The following SORCS1 variants were observed in gnomAD, a reference collection of about 807,000 sequenced individuals.
SORCS1 encodes the protein sortilin related VPS10 domain containing receptor 1.
Under a neutral mutation model 146.1 loss-of-function variants are expected in SORCS1, and 60 were observed. The observed-to-expected ratio is 0.41, with a 90% CI of 0.33 to 0.51. The LOEUF is 0.51. Ranked by LOEUF, SORCS1 falls within the 20% of genes least tolerant of loss-of-function variation. SORCS1 has a pLI of 0.21. For synonymous variants in SORCS1, 637 were observed against 584.0 expected, an observed-to-expected ratio of 1.09 and a Z score of -1.31; for missense variants, 1,352 against 1,487.6, an observed-to-expected ratio of 0.91 and a Z score of 1.50.
intron 2 of SORCS1, among the ~76,000 whole-genome samples, chr10:106,918,675 C>A (rs969127235): frequency 6.6e-6 from 1 of 151,948 alleles, no homozygotes; most frequent in Admixed American, 6.6e-5. Context: ...AAAAAACAAG[C>A]AATTATCTCC....
chr10:107,042,771 GACTAATTTTTGTAT>G (rs1245211698), intron 1 of SORCS1, among the ~76,000 whole-genome samples: 2 of 151,988 alleles, frequency 1.3e-5, no homozygotes, highest in African/African-American at 4.8e-5. Flanking sequence ...CACCACACCT[GACTAATTTTTGTAT>G]TTTTAGTAGA....
At chr10:106,815,608 T>C (rs1457166007) in intron 3 of SORCS1, among the ~76,000 whole-genome samples, 1 of 152,186 alleles carries the variant, frequency 6.6e-6, no homozygotes, top group African/African-American at 2.4e-5. Context: ...GGGAGCCAGA[T>C]GGCCTCCTAC....
In SORCS1 at chr10:106,749,859, C is replaced by A. The variant is rs145090741; in HGVS notation, c.959+11729G>T. On this transcript the variant is annotated intron_variant, in intron 5 of 25. Coordinates refer to ENST00000263054, the MANE Select transcript of SORCS1 (RefSeq NM_052918.5). Reference sequence around the variant, plus strand: ...ACGAGGAAGATACTCTTATGAGGACCATTTTACTGATGAATACTGTAAGGC... The same window carrying A: ...ACGAGGAAGATACTCTTATGAGGACAATTTTACTGATGAATACTGTAAGGC... Among the ~76,000 whole-genome samples the A allele has an allele frequency of 3.4e-3, 525 of 152,204 alleles. 9 individuals carry two copies. The highest frequency in any genetic ancestry group is 0.012 in the African/African-American group (506 of 41,520).
chr10:106,716,612 A>C (rs1004609697), intron 6 of SORCS1, among the ~76,000 whole-genome samples: 2 of 152,208 alleles, frequency 1.3e-5, no homozygotes, highest in African/African-American at 4.8e-5. Context: ...GTTCATTCAG[A>C]GTTCTGCTGG....
upstream of SORCS1, among the ~76,000 whole-genome samples, chr10:107,168,632 C>T (rs1970099791): frequency 6.8e-6 from 1 of 146,838 alleles, no homozygotes; most frequent in Non-Finnish European, 1.5e-5. Context: ...ATGCCAGAAA[C>T]TATGCTATGG....
chr10:106,939,859 T>C (rs1003702042), intron 2 of SORCS1, among the ~76,000 whole-genome samples: 1 of 152,228 alleles, frequency 6.6e-6, no homozygotes. Context: ...CATCCTACGA[T>C]ATAATGCCTG....
intron 2 of SORCS1, among the ~76,000 whole-genome samples, chr10:106,954,297 C>T (rs1400303657): frequency 6.6e-6 from 1 of 152,224 alleles, no homozygotes; most frequent in Non-Finnish European, 1.5e-5. Flanking sequence ...GGCTTTTACT[C>T]TTATACATGG....
intron 1 of SORCS1, among the ~76,000 whole-genome samples, chr10:107,034,707 A>AAAAAAAAAAATT (rs1958819089): frequency 6.8e-6 from 1 of 146,238 alleles, no homozygotes; most frequent in Non-Finnish European, 1.5e-5. Context: ...AAAAAAAAAA[A>AAAAAAAAAAATT]CAATGTTCAT....
intron 1 of SORCS1, among the ~76,000 whole-genome samples, chr10:106,976,984 G>T (rs1956053022): frequency 6.6e-6 from 1 of 152,188 alleles, no homozygotes; most frequent in Non-Finnish European, 1.5e-5. Context: ...ATTGCAAACA[G>T]TGCTGCAATA....
chr10:106,834,992 G>C (rs2152677), intron 2 of SORCS1, among the ~76,000 whole-genome samples: 1 of 151,996 alleles, frequency 6.6e-6, no homozygotes, highest in East Asian at 1.9e-4. Flanking sequence ...CTTACACTAC[G>C]TTTTTACAAA....
intron 3 of SORCS1, among the ~76,000 whole-genome samples, chr10:106,777,899 G>T (rs1413436821): frequency 6.6e-6 from 1 of 152,122 alleles, no homozygotes; most frequent in Non-Finnish European, 1.5e-5. Context: ...AGGGAAGCAT[G>T]AAATATGTGT....
chr10:106,597,419 T>C lies in SORCS1; in HGVS notation c.3197A>G (p.Gln1066Arg). Residue 1066 changes from glutamine (Q) to arginine (R), a missense_variant, in exon 24 of 26, where the codon CAA becomes CGA. Physicochemically the swap from Gln to Arg is conservative, Grantham distance 43. Around this residue, in one of 3 missense-constraint regions of SORCS1, gnomAD observed 214 missense variants for 204.8 expected, o/e 1.05. Coordinates refer to ENST00000263054, the MANE Select transcript of SORCS1 (RefSeq NM_052918.5). ...CTTCAGCTCGAAGTGTACTGAGTTT[T>C]GGTTGAGCGTGTGGATCAGCAATTC... The part of the protein sequence containing the change: ...ISELLIHTLN[Q>R]NSVHFELKPG... The C allele has an allele frequency of 6.2e-7, 1 of 1,613,956 alleles. No individual in the cohort carries two copies.
intron 10 of SORCS1, 142 bp from the exon 11 acceptor site, chr10:106,679,876 T>C: frequency 1.6e-6 from 1 of 615,592 alleles, no homozygotes; most frequent in Non-Finnish European, 2.9e-6. Context: ...ATTGTATCTA[T>C]ACCTACCCAA....
intron 17 of SORCS1, among the ~76,000 whole-genome samples, chr10:106,657,593 T>C (rs954374202): frequency 3.3e-5 from 5 of 151,166 alleles, no homozygotes; most frequent in African/African-American, 1.2e-4. Flanking sequence ...CCACTTGTAC[T>C]CCAAAAGGTA....
chr10:106,642,752 T>C lies in SORCS1; in HGVS notation c.2475+9630A>G, dbSNP rs371471460. The stretch of plus-strand genomic sequence containing the variant: ...AATAGATAAACAGTGTCAGGCACAC[T>C]AGGCATTCAACAAAGGCATCATTTT... On this transcript the variant is annotated intron_variant, in intron 18 of 25. Coordinates refer to ENST00000263054, the MANE Select transcript of SORCS1 (RefSeq NM_052918.5). 1.1e-4 allele frequency among the ~76,000 whole-genome samples: 16 copies of C among 152,264 alleles called. No homozygotes were observed. In the South Asian group the frequency reaches 1.7e-3, roughly 16 times the overall value.
intron 2 of SORCS1, among the ~76,000 whole-genome samples, chr10:106,909,148 G>A (rs1295113031): frequency 6.6e-6 from 1 of 152,122 alleles, no homozygotes; most frequent in Non-Finnish European, 1.5e-5. Context: ...TGATGTTTGG[G>A]AGAGAGGTTC....
chr10:106,910,281 C>T (rs1354173701), intron 2 of SORCS1, among the ~76,000 whole-genome samples: 2 of 110,914 alleles, frequency 1.8e-5, no homozygotes, highest in African/African-American at 3.7e-5. Context: ...CGTCTCTTTA[C>T]ATTGTGTGTG....
chr10:106,607,279 G>T lies in SORCS1; in HGVS notation c.3052C>A (p.Gln1018Lys). 1 of 1,614,070 alleles carries T rather than the reference G, an allele frequency of 6.2e-7. No homozygotes were observed. Among genetic ancestry groups the T allele is most frequent in the Admixed American group, 1.7e-5 (1 of 60,014 alleles). ...GGGAGCACCGCCACCAGGATGTGCT[G>T]GCCTGGAACCCCTGTGGCCTGAGGG... ...SLVEATGVPG[Q>K]HILVAVLPGL... Residue 1018 changes from glutamine to lysine, a missense_variant, in exon 23 of 26, where the codon CAG becomes AAG. Around this residue, in one of 3 missense-constraint regions of SORCS1, gnomAD observed 214 missense variants for 204.8 expected, o/e 1.05. Transcript: ENST00000263054.
rs537230406 is a variant in SORCS1, at chr10:106,960,683, G to A, written c.559-4103C>T. Reference sequence around the variant, plus strand: ...CCCAAAGTGCTGGGATTACAGGCGTGAGCCACTGCGCCCAGCCAGTCCATA... The same window carrying A: ...CCCAAAGTGCTGGGATTACAGGCGTAAGCCACTGCGCCCAGCCAGTCCATA... On this transcript the variant is annotated intron_variant, in intron 1 of 25. Coordinates refer to ENST00000263054, the MANE Select transcript of SORCS1 (RefSeq NM_052918.5). This position sits in a 1 kb window ranked among gnomAD's most constrained non-coding sequence, Gnocchi z 4.4. Among the ~76,000 whole-genome samples, 1 of 152,272 alleles carries A rather than the reference G, an allele frequency of 6.6e-6. No individual in the cohort carries two copies. Among genetic ancestry groups the A allele is most frequent in the South Asian group, 2.1e-4 (1 of 4,828 alleles).
Sources: allele counts gnomAD v4.1 joint callset (sites outside exome capture counted in the v4.1 genomes callset), GRCh38; gene constraint gnomAD v4.1.1; regional missense constraint gnomAD v4.1.1; non-coding constraint Gnocchi (gnomAD v3.1); transcripts MANE v1.5; gene names NCBI Gene and HGNC (gene_info 2026-07-23, HGNC 2026-07-21).